The following TMEM202 variants were observed in gnomAD, a reference collection of about 807,000 sequenced individuals.
TMEM202 encodes the protein transmembrane protein 202.
TMEM202 carries 25 observed loss-of-function variants against 26.1 expected under a neutral mutation model. The ratio of observed to expected loss-of-function variants is 0.96; its 90% CI spans 0.70 to 1.34. TMEM202 has a LOEUF of 1.34. Ranked by LOEUF, TMEM202 falls within the 40% of genes most tolerant of loss-of-function variation. TMEM202 has a pLI of 0.00. For synonymous variants in TMEM202, 122 were observed against 119.0 expected (o/e 1.02, Z -0.16); for missense variants, 301 against 327.7 (o/e 0.92, Z 0.63).
intron 2 of TMEM202, 67 bp from the exon 3 acceptor site, chr15:72,406,535 C>T: frequency 7.5e-7 from 1 of 1,332,096 alleles, no homozygotes; most frequent in Non-Finnish European, 1.1e-6. Context: ...AAGACTCTAT[C>T]TGGCCTTTTT....
chr15:72,405,825 T>TA (rs554799965), intron 2 of TMEM202, among the ~76,000 whole-genome samples: 205 of 150,642 alleles, frequency 1.4e-3, no homozygotes, highest in Non-Finnish European at 2.4e-3. Flanking sequence ...CTGTTTCTAC[T>TA]AAAAAAAAAC....
chr15:72,404,026 G>A (rs2063560410), intron 2 of TMEM202, among the ~76,000 whole-genome samples: 1 of 152,098 alleles, frequency 6.6e-6, no homozygotes, highest in Non-Finnish European at 1.5e-5. Context: ...GGCTGGAGTT[G>A]GACAGGAAAT....
Position 72,407,306 on chromosome 15 carries a change from T to C in TMEM202, c.619+89T>C, listed in dbSNP as rs1028535116. On this transcript the variant is annotated intron_variant, in intron 4 of 4. Coordinates refer to ENST00000341689, the MANE Select transcript of TMEM202 (RefSeq NM_001080462.3). ...TATAATCCAGGAGAAATAGAAGCAC[T>C]GACTGTTCCTTTTCAGAACACTGAT... 2.1e-6 allele frequency: 3 copies of C among 1,436,182 alleles called. No individual in the cohort carries two copies. In the African/African-American group the frequency reaches 4.2e-5, roughly 20 times the overall value. 89.0% of individuals were successfully genotyped at this position (1,436,182 alleles called of 1,614,324 possible).
Position 72,407,128 on chromosome 15 carries a change from T to C in TMEM202, c.530T>C (p.Val177Ala), listed in dbSNP as rs147567382. The change falls in exon 4 of 5, where the codon GTT (valine) becomes GCT (alanine). Residue 177 changes from valine (V) to alanine (A), a missense_variant. By Grantham distance (64) the Val-to-Ala change is moderately conservative. Coordinates refer to ENST00000341689, the MANE Select transcript of TMEM202 (RefSeq NM_001080462.3). ...LLCLNLFVAQ[V>A]HWHTRDAMES... ...TGCCTCAACCTGTTTGTGGCACAGG[T>C]TCACTGGCATACTAGGGATGCCATG... 2.5e-6 allele frequency: 4 copies of C among 1,613,070 alleles called. No homozygotes were observed. Among genetic ancestry groups the C allele is most frequent in the Non-Finnish European group, 3.4e-6 (4 of 1,179,774 alleles).
chr15:72,403,565 A>G (rs2063558352), intron 2 of TMEM202, among the ~76,000 whole-genome samples: 1 of 152,234 alleles, frequency 6.6e-6, no homozygotes. Context: ...TTACAGAAAC[A>G]TACAAGCAGA....
At position 72,408,352 on chromosome 15, in the gene TMEM202, A is replaced by G. The variant is rs2063583516; in HGVS notation, c.*459A>G. 6.6e-6 allele frequency among the ~76,000 whole-genome samples: 1 copy of G among 152,208 alleles called. No homozygotes were observed. Among genetic ancestry groups the G allele is most frequent in the East Asian group, 1.9e-4 (1 of 5,204 alleles). ...ATTACCAGAAATGGAATAAATATCA[A>G]TGGATATAAGACCTACTACTCAAAG... On this transcript the variant is annotated 3_prime_UTR_variant, in exon 5 of 5. Coordinates refer to ENST00000341689, the MANE Select transcript of TMEM202 (RefSeq NM_001080462.3).
Position 72,398,651 on chromosome 15 carries a change from A to G in TMEM202, c.82-2A>G. ...TAGGCAATATTTCCCTCATCCTTGT[A>G]GCCTACCGTCCCTGCCAAGAAACAT... On this transcript the variant is annotated splice_acceptor_variant, in intron 1 of 4. Coordinates refer to ENST00000341689, the MANE Select transcript of TMEM202 (RefSeq NM_001080462.3). LOFTEE classifies it high-confidence loss of function. 1 of 1,613,948 alleles carries G rather than the reference A, an allele frequency of 6.2e-7. No individual in the cohort carries two copies. Among genetic ancestry groups the G allele is most frequent in the African/African-American group, 1.3e-5 (1 of 75,022 alleles).
Position 72,407,970 on chromosome 15 carries a change from A to T in TMEM202, c.*77A>T. ...GGAATGGTCACATAAATTCTGGGAA[A>T]CTCTCCTAATATCATGTCCATATTA... On this transcript the variant is annotated 3_prime_UTR_variant, in exon 5 of 5. Transcript: ENST00000341689. The T allele has an allele frequency of 8.2e-7, 1 of 1,220,624 alleles. No individual in the cohort carries two copies. The highest frequency in any genetic ancestry group is 1.3e-5 in the South Asian group (1 of 74,356). The allele number at this position is 1,220,624 out of a possible 1,614,324, so 75.6% of individuals were successfully genotyped here. A position where few individuals can be genotyped will look rare whatever the true frequency, so the allele number is the denominator to read the frequency against.
intron 2 of TMEM202, among the ~76,000 whole-genome samples, chr15:72,405,181 G>T (rs565085832): frequency 7.9e-5 from 12 of 152,282 alleles, no homozygotes; most frequent in African/African-American, 2.6e-4. Flanking sequence ...TTACTCAGAA[G>T]CTGGACTTGG....
At chr15:72,400,235 A>G (rs1215988821) in intron 2 of TMEM202, among the ~76,000 whole-genome samples, 3 of 152,262 alleles carry the variant, frequency 2.0e-5, no homozygotes, top group Admixed American at 6.5e-5. Context: ...CAAAAGAAGA[A>G]CTATAACTAT....
chr15:72,408,001 G>C lies in TMEM202; in HGVS notation c.*108G>C. The C allele has an allele frequency of 1.2e-6, 1 of 852,870 alleles. No homozygotes were observed. Among genetic ancestry groups the C allele is most frequent in the Non-Finnish European group, 1.8e-6 (1 of 552,242 alleles). The allele number at this position is 852,870 out of a possible 1,614,324, so 52.8% of individuals were successfully genotyped here. A position where few individuals can be genotyped will look rare whatever the true frequency, so the allele number is the denominator to read the frequency against. On this transcript the variant is annotated 3_prime_UTR_variant, in exon 5 of 5. Coordinates refer to ENST00000341689, the MANE Select transcript of TMEM202 (RefSeq NM_001080462.3). ...CTAATATCATGTCCATATTACTTGA[G>C]GAGACAGCATTAAAGCTGATGAAAT...
At position 72,407,785 on chromosome 15, in the gene TMEM202, T is replaced by G; in HGVS notation, c.714T>G (p.Val238=). Residue 238 remains valine (V), a synonymous_variant, in exon 5 of 5, where the codon GTT becomes GTG. Coordinates refer to ENST00000341689, the MANE Select transcript of TMEM202 (RefSeq NM_001080462.3). ...CAACAGAGAGATCAAGGCTGGGGGT[T>G]GGTCCGGTGACTACAGTATCACCTG... ...VIPTERSRLG[V]GPVTTVSPAK... is the part of the protein sequence containing the mutation. 6.2e-7 allele frequency: 1 copy of G among 1,614,070 alleles called. No homozygotes were observed. Among genetic ancestry groups the G allele is most frequent in the Middle Eastern group, 1.7e-4 (1 of 6,060 alleles).
At chr15:72,402,473 T>C (rs984433321) in intron 2 of TMEM202, among the ~76,000 whole-genome samples, 2 of 152,212 alleles carry the variant, frequency 1.3e-5, no homozygotes, top group African/African-American at 4.8e-5. Context: ...GTTGTGCTTC[T>C]GTCTCTGAGT....
In TMEM202 at chr15:72,408,178, T is replaced by C; in HGVS notation, c.*285T>C. 6.2e-6 allele frequency: 2 copies of C among 323,786 alleles called. 1 individual carries two copies. The highest frequency in any genetic ancestry group is 9.7e-5 in the South Asian group (2 of 20,576). 20.1% of individuals were successfully genotyped at this position (323,786 alleles called of 1,614,324 possible). On this transcript the variant is annotated 3_prime_UTR_variant, in exon 5 of 5. Transcript: ENST00000341689. ...TGCAGTGTGTAGACCAGAGACCTCT[T>C]TGGGTATCAGGGATCTCATGGACCA...
intron 1 of TMEM202, 120 bp downstream of exon 1, chr15:72,398,527 T>G (rs1196689066): frequency 7.0e-7 from 1 of 1,424,490 alleles, no homozygotes; most frequent in African/African-American, 1.4e-5. Flanking sequence ...TTTTTTTTTT[T>G]TAGGAGTAGG....
Position 72,398,454 on chromosome 15 carries a change from C to A in TMEM202, c.81+47C>A, listed in dbSNP as rs375944913. 180 of 1,531,484 alleles carry A rather than the reference C, an allele frequency of 1.2e-4. No individual in the cohort carries two copies. In the African/African-American group the frequency reaches 1.9e-3, roughly 16 times the overall value. 94.9% of individuals were successfully genotyped at this position (1,531,484 alleles called of 1,614,324 possible). A position where few individuals can be genotyped will look rare whatever the true frequency, so the allele number is the denominator to read the frequency against. On this transcript the variant is annotated intron_variant, in intron 1 of 4. Transcript: ENST00000341689. ...AGTCAGATGGGAAGAAGAGAACTTACTTAAAGGCAGGGCTACACAGAGCAT... is the reference window on the plus strand; with the variant it reads ...AGTCAGATGGGAAGAAGAGAACTTAATTAAAGGCAGGGCTACACAGAGCAT...
intron 2 of TMEM202, among the ~76,000 whole-genome samples, chr15:72,404,021 G>C (rs2063560394): frequency 6.6e-6 from 1 of 152,156 alleles, no homozygotes; most frequent in Non-Finnish European, 1.5e-5. Context: ...TGTTAGGCTG[G>C]AGTTGGACAG....
chr15:72,400,754 A>G (rs2063543667), intron 2 of TMEM202, among the ~76,000 whole-genome samples: 1 of 152,216 alleles, frequency 6.6e-6, no homozygotes, highest in Admixed American at 6.5e-5. Flanking sequence ...GAGTAAAGTG[A>G]AAGCAAATTT....
At chr15:72,407,304 A>G in intron 4 of TMEM202, 87 bp downstream of exon 4, 1 of 1,454,886 alleles carries the variant, frequency 6.9e-7, no homozygotes, top group Non-Finnish European at 9.5e-7. Context: ...AAATAGAAGC[A>G]CTGACTGTTC....
Sources: allele counts gnomAD v4.1 joint callset (sites outside exome capture counted in the v4.1 genomes callset), GRCh38; gene constraint gnomAD v4.1.1; transcripts MANE v1.5; gene names NCBI Gene and HGNC (gene_info 2026-07-23, HGNC 2026-07-21).